The following ZDHHC6 variants were observed in gnomAD, a reference collection of about 807,000 sequenced individuals.
ZDHHC6 encodes palmitoyltransferase ZDHHC6.
In ZDHHC6, 32 loss-of-function variants were observed where a neutral mutation model predicts 57.8. The observed-to-expected ratio is 0.55, with a 90% CI of 0.42 to 0.74. The LOEUF (loss-of-function observed/expected upper bound fraction) is 0.74, where lower values mean the gene tolerates loss of function less well. Among genes scored for constraint, ZDHHC6 ranks in the 30% least tolerant of loss-of-function variants. The pLI is 0.00. For synonymous variants in ZDHHC6, 128 were observed against 158.0 expected (o/e 0.81, Z 1.42); for missense variants, 433 against 500.7 (o/e 0.86, Z 1.29).
In ZDHHC6 at chr10:112,430,707, T is replaced by A. The variant is rs1197423649; in HGVS notation, c.*97A>T. 2 of 1,052,246 alleles carry A rather than the reference T, an allele frequency of 1.9e-6. No homozygotes were observed. Among genetic ancestry groups the A allele is most frequent in the Non-Finnish European group, 2.7e-6 (2 of 739,400 alleles). The allele number at this position is 1,052,246 out of a possible 1,614,324, so 65.2% of individuals were successfully genotyped here. A position where few individuals can be genotyped will look rare whatever the true frequency, so the allele number is the denominator to read the frequency against. On this transcript the variant is annotated 3_prime_UTR_variant, in exon 11 of 11. Transcript: ENST00000369405. ...TAGGGCACCTTTGAGGAAAAGAACA[T>A]CTTAACCAGAGTAGGCTCATTGCAT...
Position 112,430,790 on chromosome 10 carries a change from T to C in ZDHHC6, c.*14A>G. ...ATTAAGCAGACTTAAAGGATAATTT[T>C]GTTTTAACAGCAGCTATCTATTTTT... is the stretch of plus-strand genomic sequence containing the variant. On this transcript the variant is annotated 3_prime_UTR_variant, in exon 11 of 11. Coordinates refer to ENST00000369405, the MANE Select transcript of ZDHHC6 (RefSeq NM_022494.3). The C allele has an allele frequency of 6.2e-7, 1 of 1,604,904 alleles. No homozygotes were observed. Among genetic ancestry groups the C allele is most frequent in the Non-Finnish European group, 8.5e-7 (1 of 1,174,030 alleles).
chr10:112,438,759 TTAAC>T (rs1341777912), intron 5 of ZDHHC6, among the ~76,000 whole-genome samples: 1 of 152,198 alleles, frequency 6.6e-6, no homozygotes, highest in Non-Finnish European at 1.5e-5. Context: ...ATCACTATTT[TTAAC>T]TAACTTTAAA....
At chr10:112,433,354 A>T in intron 7 of ZDHHC6, 73 bp from the exon 8 acceptor site, 9 of 1,258,586 alleles carry the variant, frequency 7.2e-6, no homozygotes, top group Non-Finnish European at 8.6e-6. Context: ...TTCCTCATCA[A>T]CTGTCAGAGT....
At chr10:112,427,299 G>A (rs1564747495), downstream of ZDHHC6, 2 of 1,613,836 alleles carry the variant, frequency 1.2e-6, no homozygotes, top group East Asian at 2.2e-5. Context: ...AAAGCGAGGA[G>A]AGCTTTCCAA....
In ZDHHC6 at chr10:112,442,529, T is replaced by A. The variant is rs556153182; in HGVS notation, c.360-178A>T. Reference sequence around the variant, plus strand: ...AGCTTTTAAACAATTAAGTGACTCCTTTTAAATTCTAAACAGCACAGGAAA... The same window carrying A: ...AGCTTTTAAACAATTAAGTGACTCCATTTAAATTCTAAACAGCACAGGAAA... On this transcript the variant is annotated intron_variant, in intron 3 of 10. Transcript: ENST00000369405. Among the ~76,000 whole-genome samples the A allele has an allele frequency of 1.2e-4, 18 of 152,336 alleles. No individual in the cohort carries two copies. In the East Asian group the frequency reaches 3.1e-3, roughly 26 times the overall value.
At chr10:112,426,370 C>T (rs1387533874), downstream of ZDHHC6, 3 of 1,611,194 alleles carry the variant, frequency 1.9e-6, no homozygotes, top group East Asian at 2.2e-5. Context: ...GTAAGTCTTG[C>T]CTAGGAAAGC....
At chr10:112,426,011 C>A (rs563478028), downstream of ZDHHC6, among the ~76,000 whole-genome samples, 1 of 152,068 alleles carries the variant, frequency 6.6e-6, no homozygotes, top group African/African-American at 2.4e-5. Context: ...AAGCCAGAGG[C>A]GCTTTAAGCT....
chr10:112,435,736 C>A (rs1734836478), intron 6 of ZDHHC6, among the ~76,000 whole-genome samples: 1 of 152,166 alleles, frequency 6.6e-6, no homozygotes, highest in Non-Finnish European at 1.5e-5. Flanking sequence ...AACACAGCTT[C>A]AGAGTCTTCA....
At chr10:112,436,897 A>C (rs1424286793) in intron 6 of ZDHHC6, among the ~76,000 whole-genome samples, 2 of 152,220 alleles carry the variant, frequency 1.3e-5, no homozygotes. Flanking sequence ...GCCCAAGTAG[A>C]ATGATCATCT....
intron 5 of ZDHHC6, among the ~76,000 whole-genome samples, chr10:112,438,618 T>C (rs1038280469): frequency 1.6e-4 from 24 of 152,106 alleles, no homozygotes; most frequent in African/African-American, 5.5e-4. Context: ...CACCCATCCA[T>C]AATCAAATCT....
downstream of ZDHHC6, chr10:112,428,219 G>T: frequency 2.7e-6 from 1 of 375,886 alleles, no homozygotes. Context: ...AAGATCTACA[G>T]GCAAGCAAGA....
At chr10:112,444,967 T>C (rs1846497272) in intron 2 of ZDHHC6, among the ~76,000 whole-genome samples, 1 of 152,092 alleles carries the variant, frequency 6.6e-6, no homozygotes, top group South Asian at 2.1e-4. Context: ...AAAATTGCTT[T>C]GGAAAATGCT....
downstream of ZDHHC6, chr10:112,428,182 G>A: frequency 2.8e-6 from 1 of 351,576 alleles, no homozygotes; most frequent in Non-Finnish European, 5.1e-6. Context: ...AGCAAGCACT[G>A]AATAAAAACC....
chr10:112,427,418 A>G, downstream of ZDHHC6: 1 of 1,464,154 alleles, frequency 6.8e-7, no homozygotes, highest in Admixed American at 2.4e-5. Context: ...AATGGATTAA[A>G]AACTATTCTT....
Position 112,441,589 on chromosome 10 carries a change from A to T in ZDHHC6, c.519+603T>A, listed in dbSNP as rs1447651501. ...CTAGAATTTCCAAACACCACAAGCT[A>T]GCAGATCAAATATGGGCTGTCCCCT... On this transcript the variant is annotated intron_variant, in intron 4 of 10. Coordinates refer to ENST00000369405, the MANE Select transcript of ZDHHC6 (RefSeq NM_022494.3). 3.3e-5 allele frequency among the ~76,000 whole-genome samples: 5 copies of T among 152,114 alleles called. No individual in the cohort carries two copies. In the East Asian group the frequency reaches 9.6e-4, roughly 29 times the overall value.
At chr10:112,432,129 T>C in intron 10 of ZDHHC6, 111 bp downstream of exon 10, 4 of 1,012,660 alleles carry the variant, frequency 3.9e-6, no homozygotes, top group South Asian at 3.4e-5. Context: ...TACCCTTCTA[T>C]GCAGTTCCCC....
intron 1 of ZDHHC6, among the ~76,000 whole-genome samples, chr10:112,446,336 A>G (rs1408231644): frequency 6.6e-6 from 1 of 152,158 alleles, no homozygotes; most frequent in Non-Finnish European, 1.5e-5. Flanking sequence ...GTATATGAGA[A>G]GAACCTGAAT....
rs1269245652 is a variant in ZDHHC6, at chr10:112,438,912, T to C, written c.682-523A>G. ...TCCTAGATATGACTGATTCCACATA[T>C]ATAGGCTTTTATATTATAGGATCTT... On this transcript the variant is annotated intron_variant, in intron 5 of 10. Coordinates refer to ENST00000369405, the MANE Select transcript of ZDHHC6 (RefSeq NM_022494.3). Among the ~76,000 whole-genome samples, 4 of 152,332 alleles carry C rather than the reference T, an allele frequency of 2.6e-5. No individual in the cohort carries two copies. The East Asian group carries it at 7.7e-4, about 29-fold the overall frequency.
At position 112,433,282 on chromosome 10, in the gene ZDHHC6, C is replaced by T. The variant is rs759905947; in HGVS notation, c.904-1G>A. On this transcript the variant is annotated splice_acceptor_variant, in intron 7 of 10. Coordinates refer to ENST00000369405, the MANE Select transcript of ZDHHC6 (RefSeq NM_022494.3). LOFTEE classifies it high-confidence loss of function. ...CTGCTTTTTGTTTCAACTGTTCTATCTGTTTGGAAGAAATAAAAAGAAAAA... is the reference window on the plus strand; with the variant it reads ...CTGCTTTTTGTTTCAACTGTTCTATTTGTTTGGAAGAAATAAAAAGAAAAA... 5.1e-6 allele frequency: 8 copies of T among 1,573,766 alleles called. No individual in the cohort carries two copies. The highest frequency in any genetic ancestry group is 1.2e-5 in the South Asian group (1 of 83,736).
Sources: gnomAD v4.1 joint callset for allele counts (sites outside exome capture counted in the v4.1 genomes callset) on GRCh38, gnomAD v4.1.1 for gene constraint, MANE v1.5 for transcripts, NCBI Gene and HGNC (gene_info 2026-07-23, HGNC 2026-07-21) for gene names.